GUSB: variants seen among roughly 807,000 people sequenced by gnomAD.
GUSB encodes the protein glucuronidase beta.
Under a neutral mutation model 74.6 loss-of-function variants are expected in GUSB, and 51 were observed. The ratio of observed to expected loss-of-function variants is 0.68; its 90% CI spans 0.55 to 0.86. GUSB has a LOEUF of 0.86. Among genes scored for constraint, GUSB ranks in the 40% least tolerant of loss-of-function variants. The pLI, the probability that GUSB is intolerant of heterozygous loss-of-function variation, is 0.00. For synonymous variants in GUSB, 360 were observed against 348.3 expected, an observed-to-expected ratio of 1.03 and a Z score of -0.37; for missense variants, 736 against 853.7, an observed-to-expected ratio of 0.86 and a Z score of 1.72.
intron 4 of GUSB, among the ~76,000 whole-genome samples, chr7:65,977,364 ACTT>A (rs1485712134): frequency 6.6e-6 from 1 of 152,058 alleles, no homozygotes; most frequent in Non-Finnish European, 1.5e-5. Flanking sequence ...GCTGGTTTGA[ACTT>A]CTGAGCTCAA....
intron 6 of GUSB, 51 bp downstream of exon 6, chr7:65,974,868 T>A (rs1791459683): frequency 3.1e-6 from 5 of 1,601,094 alleles, no homozygotes; most frequent in Non-Finnish European, 4.3e-6. Context: ...AAGGCGAAAG[T>A]GGAGGGTGAC....
At chr7:65,977,035 G>A (rs746962574) in intron 4 of GUSB, among the ~76,000 whole-genome samples, 3 of 152,044 alleles carry the variant, frequency 2.0e-5, no homozygotes, top group Non-Finnish European at 2.9e-5. Flanking sequence ...CGTGCTTACA[G>A]TAACACCTCT....
Position 65,979,852 on chromosome 7 carries a change from G to A in GUSB, c.456C>T (p.Asp152=), listed in dbSNP as rs1420034681. The change falls in exon 3 of 12, where the codon GAC becomes GAT. Residue 152 remains aspartate (D), a synonymous_variant. Coordinates refer to ENST00000304895, the MANE Select transcript of GUSB (RefSeq NM_000181.4). The part of the protein sequence containing the change: ...HEGGYLPFEA[D]ISNLVQVGPL... ...GCCCCACCTGGACCAGGTTGCTGAT[G>A]TCGGCCTCGAAGGGGAGGTAGCCCC... 2 of 1,613,348 alleles carry A rather than the reference G, an allele frequency of 1.2e-6. No individual in the cohort carries two copies. Among genetic ancestry groups the A allele is most frequent in the South Asian group, 2.2e-5 (2 of 91,080 alleles).
rs1295401370 is a variant in GUSB at position 65,979,282 on chromosome 7, G to A, written c.724+117C>T. On this transcript the variant is annotated intron_variant, in intron 4 of 11. Transcript: ENST00000304895. ...GAATTTTAGCTTCATAGGTGGAAGG[G>A]AATCTGTGAGGGTGTAGAGATGCTG... 8.7e-6 allele frequency: 9 copies of A among 1,035,444 alleles called. No homozygotes were observed. In the East Asian group the frequency reaches 1.2e-4, roughly 14 times the overall value. 64.1% of individuals were successfully genotyped at this position (1,035,444 alleles called of 1,614,324 possible). A position where few individuals can be genotyped will look rare whatever the true frequency, so the allele number is the denominator to read the frequency against.
chr7:65,961,129 TC>T, intron 11 of GUSB, 66 bp from the exon 12 acceptor site: 1 of 1,454,192 alleles, frequency 6.9e-7, no homozygotes, highest in African/African-American at 1.4e-5. Context: ...TTAGAACCAG[TC>T]TGGAGCTAAG....
chr7:65,961,065 T>TAA lies in GUSB; in HGVS notation c.1790-3_1790-2insTT. 2 of 1,576,978 alleles carry TAA rather than the reference T, an allele frequency of 1.3e-6. No homozygotes were observed. The highest frequency in any genetic ancestry group is 3.8e-5 in the Admixed American group (2 of 53,064). On this transcript the variant is annotated splice_polypyrimidine_tract_variant and splice_region_variant and intron_variant, in intron 11 of 11. Coordinates refer to ENST00000304895, the MANE Select transcript of GUSB (RefSeq NM_000181.4). ...TATTCCCCAGCACTCTCGTCGGTGC[T>TAA]ACAAAAAAAAAAAAAAGACACAAAG...
At chr7:65,961,820 G>A (rs969066160) in intron 11 of GUSB, among the ~76,000 whole-genome samples, 3 of 152,100 alleles carry the variant, frequency 2.0e-5, no homozygotes, top group African/African-American at 7.2e-5. Flanking sequence ...TGGACAATAT[G>A]GTGAAACCTC....
rs1791836120 is a variant in GUSB at position 65,979,476 on chromosome 7, C to T, written c.647G>A (p.Arg216Gln). Residue 216 changes from arginine (R) to glutamine (Q), a missense_variant, in exon 4 of 12, where the codon CGG (arginine) becomes CAG (glutamine). Arg to Gln is a conservative substitution (Grantham distance 43). Around this residue, in one of 2 missense-constraint regions of GUSB, gnomAD observed 368 missense variants for 363.8 expected, o/e 1.01. Coordinates refer to ENST00000304895, the MANE Select transcript of GUSB (RefSeq NM_000181.4). Reference sequence around the variant, plus strand: ...GGGTGTCGTGTACAGAAGTACAGACCGCTGCAGTCCAGCGTAGTTGAAAAA... The same window carrying T: ...GGGTGTCGTGTACAGAAGTACAGACTGCTGCAGTCCAGCGTAGTTGAAAAA... ...FDFFNYAGLQ[R>Q]SVLLYTTPTT... The T allele has an allele frequency of 2.5e-6, 4 of 1,613,772 alleles. No homozygotes were observed. Among genetic ancestry groups the T allele is most frequent in the South Asian group, 2.2e-5 (2 of 91,070 alleles).
chr7:65,978,213 A>AG lies in GUSB; in HGVS notation c.724+1185dup, dbSNP rs1443647822. Among the ~76,000 whole-genome samples, 11 of 152,334 alleles carry AG rather than the reference A, an allele frequency of 7.2e-5. No homozygotes were observed. The East Asian group carries it at 1.4e-3, about 19-fold the overall frequency. On this transcript the variant is annotated intron_variant, in intron 4 of 11. Coordinates refer to ENST00000304895, the MANE Select transcript of GUSB (RefSeq NM_000181.4). ...ATTCCTGTAATCCCAGCATTTTGGG[A>AG]GACTGAGGCGGGTGGATCCCGAAGT...
chr7:65,973,495 G>C (rs1381030110), intron 8 of GUSB, among the ~76,000 whole-genome samples: 2 of 152,240 alleles, frequency 1.3e-5, no homozygotes, highest in African/African-American at 4.8e-5. Context: ...GCTGAGGCAG[G>C]AGAATCACTT....
rs118066970 is a variant in GUSB, at chr7:65,974,327, C to T, written c.1359G>A (p.Ala453=). The part of the protein sequence containing the change: ...VVMWSVANEP[A]SHLESAGYYL... ...AGTAGCCAGCAGATTCTAGGTGGGA[C>T]GCAGGCTCGTTGGCCACAGACCACA... The change falls in exon 8 of 12, where the codon GCG becomes GCA. Residue 453 remains alanine (A), a synonymous_variant. Transcript: ENST00000304895. 4.5e-4 allele frequency: 734 copies of T among 1,614,130 alleles called. 5 individuals are homozygous for T. In the African/African-American group the frequency reaches 7.0e-3, roughly 15 times the overall value.
chr7:65,978,030 G>T (rs952568837), intron 4 of GUSB, among the ~76,000 whole-genome samples: 11 of 150,656 alleles, frequency 7.3e-5, no homozygotes, highest in Admixed American at 2.7e-4. Context: ...CAGGATGGTC[G>T]CGATCTCCTG....
At chr7:65,963,883 GA>G (rs1182041905) in intron 11 of GUSB, among the ~76,000 whole-genome samples, 1 of 152,128 alleles carries the variant, frequency 6.6e-6, no homozygotes, top group East Asian at 1.9e-4. Flanking sequence ...AAGATGCGTT[GA>G]AACTCACCTG....
At position 65,979,532 on chromosome 7, in the gene GUSB, C is replaced by T. The variant is rs1562694494; in HGVS notation, c.591G>A (p.Lys197=). Residue 197 remains lysine, a synonymous_variant, in exon 4 of 12, where the codon AAG becomes AAA. Coordinates refer to ENST00000304895, the MANE Select transcript of GUSB (RefSeq NM_000181.4). ...AATATGTGTTCTGGACAAAGTAACCCTTGGGATACCTAGGATGGGAGGACT... is the reference window on the plus strand; with the variant it reads ...AATATGTGTTCTGGACAAAGTAACCTTTGGGATACCTAGGATGGGAGGACT... ...QYLTDTSKYP[K]GYFVQNTYFD... is the part of the protein sequence containing the mutation. 1.9e-6 allele frequency: 3 copies of T among 1,614,082 alleles called. No individual in the cohort carries two copies. The highest frequency in any genetic ancestry group is 2.7e-5 in the African/African-American group (2 of 75,036).
At position 65,974,800 on chromosome 7, in the gene GUSB, T is replaced by A. The variant is rs1253954354; in HGVS notation, c.1066-96A>T. ...GGAGAGCCACCCCATGAGCCCCCTCTCCATTTGGAGCCATTTGCCTCATTG... is the reference window on the plus strand; with the variant it reads ...GGAGAGCCACCCCATGAGCCCCCTCACCATTTGGAGCCATTTGCCTCATTG... On this transcript the variant is annotated intron_variant, in intron 6 of 11. Transcript: ENST00000304895. The A allele has an allele frequency of 4.5e-6, 7 of 1,555,768 alleles. No homozygotes were observed. The highest frequency in any genetic ancestry group is 6.2e-6 in the Non-Finnish European group (7 of 1,128,980).
At position 65,974,654 on chromosome 7, in the gene GUSB, C is replaced by G; in HGVS notation, c.1116G>C (p.Leu372=). The change falls in exon 7 of 12, where the codon CTG becomes CTC. Residue 372 remains leucine (L), a synonymous_variant. Coordinates refer to ENST00000304895, the MANE Select transcript of GUSB (RefSeq NM_000181.4). ...AAGCGTTGGCACCAAGCCAGCGAAG[C>G]AGGTTGAAGTCCTTCACCAGCAGCG... ...DWPLLVKDFN[L]LRWLGANAFR... 1 of 1,613,944 alleles carries G rather than the reference C, an allele frequency of 6.2e-7. No homozygotes were observed. The highest frequency in any genetic ancestry group is 8.5e-7 in the Non-Finnish European group (1 of 1,180,048).
rs1175834987 is a variant in GUSB, at chr7:65,979,514, G to A, written c.609C>T (p.Asn203=). The A allele has an allele frequency of 1.2e-6, 2 of 1,614,048 alleles. No individual in the cohort carries two copies. Among genetic ancestry groups the A allele is most frequent in the East Asian group, 2.2e-5 (1 of 44,894 alleles). The part of the protein sequence containing the change: ...SKYPKGYFVQ[N]TYFDFFNYAG... ...CGTAGTTGAAAAAGTCAAAATATGT[G>A]TTCTGGACAAAGTAACCCTTGGGAT... The change falls in exon 4 of 12, where the codon AAC becomes AAT. Residue 203 remains asparagine, a synonymous_variant. Transcript: ENST00000304895.
At chr7:65,981,061 C>T (rs1384686593) in intron 1 of GUSB, among the ~76,000 whole-genome samples, 1 of 152,182 alleles carries the variant, frequency 6.6e-6, no homozygotes, top group Non-Finnish European at 1.5e-5. Flanking sequence ...GATCCCCGGG[C>T]CCAGCTCTGT....
intron 4 of GUSB, among the ~76,000 whole-genome samples, chr7:65,977,811 TTTTTA>T (rs1791685657): frequency 6.6e-6 from 1 of 151,750 alleles, no homozygotes; most frequent in Admixed American, 6.6e-5. Flanking sequence ...TATATATATT[TTTTTA>T]TTTTTATTTT....
Sources: gnomAD v4.1 joint callset for allele counts (sites outside exome capture counted in the v4.1 genomes callset) on GRCh38, gnomAD v4.1.1 for gene constraint, gnomAD v4.1.1 regional missense constraint, MANE v1.5 for transcripts, NCBI Gene and HGNC (gene_info 2026-07-23, HGNC 2026-07-21) for gene names.